VPS13D: variants seen among roughly 807,000 people sequenced by gnomAD.
VPS13D encodes the protein intermembrane lipid transfer protein VPS13D.
Under a neutral mutation model 461.9 loss-of-function variants are expected in VPS13D, and 187 were observed. The ratio of observed to expected loss-of-function variants is 0.40; its 90% CI spans 0.36 to 0.46. The LOEUF is 0.46. Among genes scored for constraint, VPS13D ranks in the 20% least tolerant of loss-of-function variants. The pLI is 0.60. For synonymous variants in VPS13D, 1,951 were observed against 1,986.3 expected, an observed-to-expected ratio of 0.98 and a Z score of 0.47; for missense variants, 4,711 against 5,364.9, an observed-to-expected ratio of 0.88 and a Z score of 3.81.
Position 12,234,281 on chromosome 1 carries a change from T to C in VPS13D, c.15T>C (p.Leu5=), listed in dbSNP as rs41279444. 3.7e-6 allele frequency: 6 copies of C among 1,613,808 alleles called. No homozygotes were observed. The highest frequency in any genetic ancestry group is 5.1e-6 in the Non-Finnish European group (6 of 1,179,820). ...AGGATATAGTCATGTTGGAAGGCCTTGTAGCCTGGGTTCTCAATACCTATT... is the reference window on the plus strand; with the variant it reads ...AGGATATAGTCATGTTGGAAGGCCTCGTAGCCTGGGTTCTCAATACCTATT... MLEG[L]VAWVLNTYLG... Residue 5 remains leucine, a synonymous_variant, in exon 2 of 70, where the codon CTT becomes CTC. Transcript: ENST00000620676.
Position 12,276,439 on chromosome 1 carries a change from G to C in VPS13D, c.2851G>C (p.Glu951Gln). ...LEQHTREVLV[E>Q]SQLLLAEFKV... ...GCAGCATACCCGCGAGGTTCTGGTG[G>C]AGTCGCAGCTCCTCCTGGCGGAATT... is the stretch of plus-strand genomic sequence containing the variant. Residue 951 changes from glutamate to glutamine, a missense_variant, in exon 19 of 70, where the codon GAG (glutamate) becomes CAG (glutamine). Around this residue, in one of 3 missense-constraint regions of VPS13D, gnomAD observed 4,411 missense variants for 4,937.8 expected, o/e 0.89. Coordinates refer to ENST00000620676, the MANE Select transcript of VPS13D (RefSeq NM_015378.4). This position sits in a 1 kb window ranked among gnomAD's most constrained non-coding sequence, Gnocchi z 4.5. 6.2e-7 allele frequency: 1 copy of C among 1,614,188 alleles called. No homozygotes were observed. Among genetic ancestry groups the C allele is most frequent in the Non-Finnish European group, 8.5e-7 (1 of 1,180,038 alleles).
chr1:12,486,870 A>G (rs1273839622), intron 67 of VPS13D, among the ~76,000 whole-genome samples: 1 of 152,126 alleles, frequency 6.6e-6, no homozygotes, highest in African/African-American at 2.4e-5. Context: ...GCACCCTCTC[A>G]GCACACAGCA....
intron 67 of VPS13D, chr1:12,465,193 T>A (rs940594137): frequency 6.6e-6 from 1 of 152,240 alleles, no homozygotes. Context: ...ACTATGTATT[T>A]GCTTGTTTGT....
chr1:12,282,859 T>G lies in VPS13D; in HGVS notation c.4757T>G (p.Val1586Gly), dbSNP rs1377411218. Residue 1586 changes from valine to glycine, a missense_variant, in exon 21 of 70, where the codon GTT becomes GGT. Physicochemically the swap from Val to Gly is moderately radical, Grantham distance 109. Coordinates refer to ENST00000620676, the MANE Select transcript of VPS13D (RefSeq NM_015378.4). ...CTCAGTACCTGTGGAGAATCTTCTG[T>G]TGAAAGGAAGGAGAATGGATTGTTC... ...PPLSTCGESS[V>G]ERKENGLFSH... 26 of 1,614,170 alleles carry G rather than the reference T, an allele frequency of 1.6e-5. No homozygotes were observed. The highest frequency in any genetic ancestry group is 2.2e-5 in the Non-Finnish European group (26 of 1,180,016).
intron 13 of VPS13D, among the ~76,000 whole-genome samples, chr1:12,266,469 C>T (rs1338614530): frequency 6.6e-6 from 1 of 152,220 alleles, no homozygotes; most frequent in Non-Finnish European, 1.5e-5. Context: ...CAAGGCCTTC[C>T]ATCAGCAAAA....
rs113912550 is a variant in VPS13D, at chr1:12,233,972, C to T, written c.-76-219C>T. 4.0e-3 allele frequency among the ~76,000 whole-genome samples: 610 copies of T among 152,248 alleles called. 4 individuals are homozygous for T. Among genetic ancestry groups the T allele is most frequent in the African/African-American group, 0.014 (573 of 41,536 alleles). ...CTGAGGCAGGAGAATCGCTTGAACC[C>T]GGGAGGCAGAGATTGCAGTGAGCCG... On this transcript the variant is annotated intron_variant, in intron 1 of 69. Coordinates refer to ENST00000620676, the MANE Select transcript of VPS13D (RefSeq NM_015378.4).
At chr1:12,373,095 G>GTTTTTT (rs571503565) in intron 54 of VPS13D, among the ~76,000 whole-genome samples, 9 of 37,202 alleles carry the variant, frequency 2.4e-4, no homozygotes, top group South Asian at 1.2e-3. Context: ...GTCTGGCTTG[G>GTTTTTT]TTTTTTTTTT....
intron 65 of VPS13D, among the ~76,000 whole-genome samples, chr1:12,442,598 T>C (rs1171455518): frequency 1.3e-5 from 2 of 151,786 alleles, no homozygotes; most frequent in East Asian, 3.9e-4. Context: ...TTTTTTTTTT[T>C]TTTTCCTTTT....
At chr1:12,340,859 T>G (rs1206333901) in intron 40 of VPS13D, among the ~76,000 whole-genome samples, 2 of 152,134 alleles carry the variant, frequency 1.3e-5, no homozygotes, top group Non-Finnish European at 2.9e-5. Context: ...CCTCCCTATT[T>G]GTGTGGCCAG....
chr1:12,447,679 A>G (rs770499204), intron 65 of VPS13D, among the ~76,000 whole-genome samples: 2 of 152,252 alleles, frequency 1.3e-5, no homozygotes, highest in African/African-American at 2.4e-5. Flanking sequence ...ACTGGTGCCC[A>G]GCATCTATGA....
intron 67 of VPS13D, among the ~76,000 whole-genome samples, chr1:12,462,107 C>T (rs1645420779): frequency 6.6e-6 from 1 of 152,152 alleles, no homozygotes; most frequent in Admixed American, 6.5e-5. Context: ...GAAACCAAAA[C>T]TGTCTCTGGT....
At chr1:12,365,966 C>T (rs1040135304) in intron 52 of VPS13D, among the ~76,000 whole-genome samples, 3 of 151,740 alleles carry the variant, frequency 2.0e-5, no homozygotes, top group Non-Finnish European at 2.9e-5. Context: ...TGCAGTGGTG[C>T]AATCATAGTT....
At position 12,244,737 on chromosome 1, in the gene VPS13D, G is replaced by A. The variant is rs1640492494; in HGVS notation, c.447+120G>A. 4 of 920,178 alleles carry A rather than the reference G, an allele frequency of 4.3e-6. No individual in the cohort carries two copies. In the Admixed American group the frequency reaches 9.2e-5, roughly 21 times the overall value. The allele number at this position is 920,178 out of a possible 1,614,324, so 57.0% of individuals were successfully genotyped here. On this transcript the variant is annotated intron_variant, in intron 5 of 69. Coordinates refer to ENST00000620676, the MANE Select transcript of VPS13D (RefSeq NM_015378.4). The stretch of plus-strand genomic sequence containing the variant: ...TCAGCTGATCTAGGGTGTAGATGGG[G>A]CTGGCTGCTCAGGTCTGCCCTTTTG...
chr1:12,422,278 G>T (rs139003380), intron 65 of VPS13D, among the ~76,000 whole-genome samples: 2 of 152,154 alleles, frequency 1.3e-5, no homozygotes, highest in Admixed American at 1.3e-4. Flanking sequence ...TTTCATAGTG[G>T]TTATTTGCTA....
chr1:12,460,160 T>C lies in VPS13D; in HGVS notation c.12467-41T>C, dbSNP rs934606867. 4 of 1,490,852 alleles carry C rather than the reference T, an allele frequency of 2.7e-6. No individual in the cohort carries two copies. In the East Asian group the frequency reaches 9.9e-5, roughly 37 times the overall value. The allele number at this position is 1,490,852 out of a possible 1,614,324, so 92.4% of individuals were successfully genotyped here. ...GTTTGGCTTTAAATGCTTTTGCTTT[T>C]GTCCTCGTCAGGTTACAACAGCCCT... On this transcript the variant is annotated intron_variant, in intron 66 of 69. Coordinates refer to ENST00000620676, the MANE Select transcript of VPS13D (RefSeq NM_015378.4).
At position 12,283,466 on chromosome 1, in the gene VPS13D, C is replaced by T. The variant is rs767005338; in HGVS notation, c.5364C>T (p.Asn1788=). 2 of 1,614,134 alleles carry T rather than the reference C, an allele frequency of 1.2e-6. No individual in the cohort carries two copies. Among genetic ancestry groups the T allele is most frequent in the African/African-American group, 2.7e-5 (2 of 74,944 alleles). Residue 1788 remains asparagine, a synonymous_variant, in exon 21 of 70, where the codon AAC becomes AAT. Transcript: ENST00000620676. ...TTGATGATTCCTTAGTCCACATCAA[C>T]ATATTCTTGGTAGATAAGAAACATC... is the stretch of plus-strand genomic sequence containing the variant. ...SKFDDSLVHI[N]IFLVDKKHPE... is the part of the protein sequence containing the mutation.
chr1:12,370,782 T>C (rs1401783775), intron 54 of VPS13D, among the ~76,000 whole-genome samples: 1 of 152,276 alleles, frequency 6.6e-6, no homozygotes, highest in African/African-American at 2.4e-5. Flanking sequence ...TTGTTAGTCA[T>C]GTTTTTCTCC....
rs1396885420 is a variant in VPS13D, at chr1:12,404,090, C to T, written c.12030+117C>T. 4.6e-6 allele frequency: 3 copies of T among 657,074 alleles called. No homozygotes were observed. The South Asian group carries it at 1.1e-4, about 25-fold the overall frequency. 40.7% of individuals were successfully genotyped at this position (657,074 alleles called of 1,614,324 possible). On this transcript the variant is annotated intron_variant, in intron 63 of 69. Transcript: ENST00000620676. ...GTGTGCTTTTTTTTTTGTCCCTCAT[C>T]ATCATTCATAGCAGACATTTTATTT...
chr1:12,415,042 C>T lies in VPS13D; in HGVS notation c.12031-45C>T, dbSNP rs547723508. 4 of 1,603,960 alleles carry T rather than the reference C, an allele frequency of 2.5e-6. No homozygotes were observed. In the East Asian group the frequency reaches 8.9e-5, roughly 36 times the overall value. On this transcript the variant is annotated intron_variant, in intron 63 of 69. Transcript: ENST00000620676. ...TCTAGAATTATAGTATCACAGAAGG[C>T]CATCATATGACTTAAGTATGTCATT... is the stretch of plus-strand genomic sequence containing the variant.
Sources: gnomAD v4.1 joint callset for allele counts (sites outside exome capture counted in the v4.1 genomes callset) on GRCh38, gnomAD v4.1.1 for gene constraint, gnomAD v4.1.1 regional missense constraint, Gnocchi (gnomAD v3.1) non-coding constraint, MANE v1.5 for transcripts, NCBI Gene and HGNC (gene_info 2026-07-23, HGNC 2026-07-21) for gene names.